The following IGSF21 variants were observed in gnomAD, a reference collection of about 807,000 sequenced individuals.
IGSF21 encodes immunoglobulin superfamily member 21.
In IGSF21, 28 loss-of-function variants were observed where a neutral mutation model predicts 46.8. The ratio of observed to expected loss-of-function variants is 0.60; its 90% CI spans 0.44 to 0.82. The LOEUF is 0.82. Among genes scored for constraint, IGSF21 ranks in the 40% least tolerant of loss-of-function variants. The pLI is 0.00. For synonymous variants in IGSF21, 284 were observed against 273.6 expected (o/e 1.04, Z -0.38); for missense variants, 624 against 665.5 (o/e 0.94, Z 0.69).
At chr1:18,274,612 G>A (rs1028376049) in intron 2 of IGSF21, among the ~76,000 whole-genome samples, 3 of 152,226 alleles carry the variant, frequency 2.0e-5, no homozygotes, top group Non-Finnish European at 2.9e-5. Flanking sequence ...TGTGACAGAC[G>A]CTGTGTAGCC....
chr1:18,177,954 C>G (rs897965429), intron 1 of IGSF21, among the ~76,000 whole-genome samples: 1 of 151,930 alleles, frequency 6.6e-6, no homozygotes, highest in African/African-American at 2.4e-5. Context: ...AAGGTGGGCA[C>G]GATGGGGCGA....
At chr1:18,336,168 A>G (rs1447733155) in intron 4 of IGSF21, among the ~76,000 whole-genome samples, 1 of 152,196 alleles carries the variant, frequency 6.6e-6, no homozygotes, top group Non-Finnish European at 1.5e-5. Context: ...TTTATAGGAA[A>G]AATGCTTATC....
chr1:18,142,546 C>T (rs1385114360), intron 1 of IGSF21, among the ~76,000 whole-genome samples: 2 of 152,192 alleles, frequency 1.3e-5, no homozygotes, highest in Non-Finnish European at 2.9e-5. Context: ...CCTGCCCCTT[C>T]CCAGATGGCC....
Position 18,228,021 on chromosome 1 carries a change from A to T in IGSF21, c.183+11A>T, listed in dbSNP as rs1384869599. The stretch of plus-strand genomic sequence containing the variant: ...ATCGTGTGGTACCGGGTAAGTCACT[A>T]CTACTGCCCCCTTCATGCCCATGGC... On this transcript the variant is annotated intron_variant, in intron 2 of 9. Coordinates refer to ENST00000251296, the MANE Select transcript of IGSF21 (RefSeq NM_032880.5). 1 of 1,594,056 alleles carries T rather than the reference A, an allele frequency of 6.3e-7. No homozygotes were observed.
chr1:18,224,879 A>G (rs182050544), intron 1 of IGSF21, among the ~76,000 whole-genome samples: 9 of 151,994 alleles, frequency 5.9e-5, no homozygotes, highest in African/African-American at 2.2e-4. Context: ...ACCCTGGCCG[A>G]CATGGTGAAA....
At chr1:18,299,064 G>A (rs1209030599) in intron 3 of IGSF21, among the ~76,000 whole-genome samples, 1 of 152,234 alleles carries the variant, frequency 6.6e-6, no homozygotes, top group African/African-American at 2.4e-5. Context: ...CAGAGATGCA[G>A]AGACTGGGGA....
chr1:18,251,773 A>G (rs1213009934), intron 2 of IGSF21, among the ~76,000 whole-genome samples: 1 of 152,120 alleles, frequency 6.6e-6, no homozygotes, highest in African/African-American at 2.4e-5. Context: ...TAGGAGAGCT[A>G]AGAGGCTCTC....
At chr1:18,296,792 G>A (rs918699266) in intron 3 of IGSF21, among the ~76,000 whole-genome samples, 3 of 152,160 alleles carry the variant, frequency 2.0e-5, no homozygotes, top group South Asian at 2.1e-4. Flanking sequence ...CAACCACTCC[G>A]CCCACACACA....
rs987642026 is a variant in IGSF21 at position 18,109,779 on chromosome 1, C to T, written c.70+1581C>T. On this transcript the variant is annotated intron_variant, in intron 1 of 9. Coordinates refer to ENST00000251296, the MANE Select transcript of IGSF21 (RefSeq NM_032880.5). This position sits in a 1 kb window ranked among gnomAD's most constrained non-coding sequence, Gnocchi z 4.8. Reference sequence around the variant, plus strand: ...GAGGGAAAGGTTACATGGGGGAGGTCCTCGTTCCAGCGCCGCCGAGAGGGC... The same window carrying T: ...GAGGGAAAGGTTACATGGGGGAGGTTCTCGTTCCAGCGCCGCCGAGAGGGC... 2 of 152,172 alleles carry T rather than the reference C, an allele frequency of 1.3e-5. No individual in the cohort carries two copies. Among genetic ancestry groups the T allele is most frequent in the East Asian group, 3.9e-4 (2 of 5,154 alleles). The allele number at this position is 152,172 out of a possible 1,614,324, so 9.4% of individuals were successfully genotyped here.
chr1:18,132,503 C>T (rs758745907), intron 1 of IGSF21, among the ~76,000 whole-genome samples: 2 of 152,210 alleles, frequency 1.3e-5, no homozygotes, highest in Non-Finnish European at 2.9e-5. Context: ...GCAGCCCCAG[C>T]CTGTAGGCAG....
At chr1:18,329,967 C>T (rs1047796029) in intron 3 of IGSF21, among the ~76,000 whole-genome samples, 1 of 152,184 alleles carries the variant, frequency 6.6e-6, no homozygotes, top group African/African-American at 2.4e-5. Flanking sequence ...TCAGAGATGC[C>T]GTCGGTGTTG....
At chr1:18,301,599 C>T (rs2085362830) in intron 3 of IGSF21, among the ~76,000 whole-genome samples, 1 of 152,186 alleles carries the variant, frequency 6.6e-6, no homozygotes, top group Non-Finnish European at 1.5e-5. Flanking sequence ...CCTTGGCCTC[C>T]AAAGTGCTGG....
Position 18,135,423 on chromosome 1 carries a change from C to T in IGSF21, c.70+27225C>T, listed in dbSNP as rs1342827600. On this transcript the variant is annotated intron_variant, in intron 1 of 9. Transcript: ENST00000251296. ...CTATCCCTCCCCCCTCCCCCAACCC[C>T]ACAACAGTCCCCAGTGTGTGATGTT... Among the ~76,000 whole-genome samples the T allele has an allele frequency of 3.3e-5, 5 of 149,522 alleles. No individual in the cohort carries two copies. The East Asian group carries it at 9.9e-4, about 30-fold the overall frequency.
intron 6 of IGSF21, chr1:18,375,847 A>T (rs1315264749): frequency 5.4e-6 from 1 of 183,970 alleles, no homozygotes; most frequent in African/African-American, 2.3e-5. Context: ...GCACCTCCCA[A>T]GGGGGTAGCG....
intron 1 of IGSF21, among the ~76,000 whole-genome samples, chr1:18,140,387 A>G (rs527513570): frequency 3.3e-5 from 5 of 152,076 alleles, no homozygotes; most frequent in Non-Finnish European, 1.5e-5. Flanking sequence ...TTCCTGGGTC[A>G]CTTCCCGAAT....
At chr1:18,340,903 CCTT>C (rs1214366057) in intron 4 of IGSF21, among the ~76,000 whole-genome samples, 4 of 151,424 alleles carry the variant, frequency 2.6e-5, no homozygotes, top group Non-Finnish European at 5.9e-5. Flanking sequence ...TGCTTCTTCT[CCTT>C]CTCCTTCTCC....
In IGSF21 at chr1:18,248,754, C is replaced by G. The variant is rs557301313; in HGVS notation, c.183+20744C>G. ...AGTTACCGGGCCCCTACAGGGGTGT[C>G]AGGCCCTGTGCTAGTTGCTGAGACT... is the stretch of plus-strand genomic sequence containing the variant. On this transcript the variant is annotated intron_variant, in intron 2 of 9. Coordinates refer to ENST00000251296, the MANE Select transcript of IGSF21 (RefSeq NM_032880.5). Among the ~76,000 whole-genome samples the G allele has an allele frequency of 9.3e-4, 142 of 152,268 alleles. 1 individual carries two copies. Among genetic ancestry groups the G allele is most frequent in the African/African-American group, 3.3e-3 (138 of 41,542 alleles).
At chr1:18,108,573 GTGTC>G (rs1203767333) in intron 1 of IGSF21, among the ~76,000 whole-genome samples, 2 of 151,974 alleles carry the variant, frequency 1.3e-5, no homozygotes, top group East Asian at 1.9e-4. Context: ...GGGTGTTAGA[GTGTC>G]TGTGTCAGTT....
intron 1 of IGSF21, among the ~76,000 whole-genome samples, chr1:18,182,430 C>G (rs1170364146): frequency 6.6e-6 from 1 of 152,136 alleles, no homozygotes; most frequent in Non-Finnish European, 1.5e-5. Context: ...CCGCTCACCT[C>G]GGCCTCCCAA....
Sources: gnomAD v4.1 joint callset for allele counts (sites outside exome capture counted in the v4.1 genomes callset) on GRCh38, gnomAD v4.1.1 for gene constraint, Gnocchi (gnomAD v3.1) non-coding constraint, MANE v1.5 for transcripts, NCBI Gene and HGNC (gene_info 2026-07-23, HGNC 2026-07-21) for gene names.